CNBD1: variants seen among roughly 807,000 people sequenced by gnomAD.
CNBD1 encodes cyclic nucleotide-binding domain-containing protein 1.
CNBD1 carries 71 observed loss-of-function variants against 54.4 expected under a neutral mutation model. That is an observed-to-expected ratio of 1.30 (90% CI 1.08 to 1.59). The LOEUF (loss-of-function observed/expected upper bound fraction) is 1.59, where lower values mean the gene tolerates loss of function less well. Among genes scored for constraint, CNBD1 ranks in the 40% most tolerant of loss-of-function variants. CNBD1 has a pLI of 0.00. For synonymous variants in CNBD1, 182 were observed against 170.7 expected, an observed-to-expected ratio of 1.07 and a Z score of -0.51; for missense variants, 659 against 518.0, an observed-to-expected ratio of 1.27 and a Z score of -2.64.
At chr8:87,358,665 T>G (rs1259567739) in intron 10 of CNBD1, among the ~76,000 whole-genome samples, 1 of 152,184 alleles carries the variant, frequency 6.6e-6, no homozygotes, top group South Asian at 2.1e-4. Flanking sequence ...TCCCATGATA[T>G]GCTTTCAGCA....
At chr8:87,360,039 G>A (rs1372408836) in intron 10 of CNBD1, among the ~76,000 whole-genome samples, 1 of 151,890 alleles carries the variant, frequency 6.6e-6, no homozygotes, top group Non-Finnish European at 1.5e-5. Context: ...CTTTCTCCAG[G>A]TATATGGGTT....
chr8:87,373,707 G>C (rs752627288), intron 10 of CNBD1, among the ~76,000 whole-genome samples: 1 of 151,692 alleles, frequency 6.6e-6, no homozygotes, highest in Non-Finnish European at 1.5e-5. Flanking sequence ...AGCCTAACTG[G>C]TTTAGCAAAC....
At chr8:87,385,335 G>C (rs1007788164), downstream of CNBD1, among the ~76,000 whole-genome samples, 3 of 151,840 alleles carry the variant, frequency 2.0e-5, no homozygotes, top group African/African-American at 4.9e-5. Flanking sequence ...GCCTCACCCG[G>C]GAAGGGCAGA....
intron 10 of CNBD1, among the ~76,000 whole-genome samples, chr8:87,359,176 A>T (rs1450219704): frequency 6.6e-6 from 1 of 152,140 alleles, no homozygotes; most frequent in Non-Finnish European, 1.5e-5. Flanking sequence ...TAACATTCAA[A>T]TACTTGGCAT....
intron 4 of CNBD1, among the ~76,000 whole-genome samples, chr8:87,089,278 C>G (rs1811160309): frequency 6.6e-6 from 1 of 151,984 alleles, no homozygotes. Flanking sequence ...AGCTTGAGAG[C>G]TCATAGTCAT....
chr8:87,296,402 A>G (rs1367712610), intron 8 of CNBD1, among the ~76,000 whole-genome samples: 1 of 152,118 alleles, frequency 6.6e-6, no homozygotes, highest in African/African-American at 2.4e-5. Context: ...GGAGGGAGAA[A>G]GGGGGAAGAA....
chr8:87,355,395 A>G (rs75175157), intron 10 of CNBD1, among the ~76,000 whole-genome samples: 3,672 of 152,184 alleles, frequency 0.024, 151 homozygotes, highest in African/African-American at 0.081. Context: ...CATCCTCAAT[A>G]TTTAATTAAG....
chr8:87,136,574 A>C (rs1441195806), intron 4 of CNBD1, among the ~76,000 whole-genome samples: 12 of 90,994 alleles, frequency 1.3e-4, no homozygotes, highest in Non-Finnish European at 2.0e-4. Context: ...TATTATATTT[A>C]TATTATATAT....
At chr8:86,966,161 C>T (rs943976269) in intron 4 of CNBD1, among the ~76,000 whole-genome samples, 7 of 152,200 alleles carry the variant, frequency 4.6e-5, no homozygotes, top group African/African-American at 1.7e-4. Flanking sequence ...GGCCCCCAGC[C>T]TTCGGGACCT....
At chr8:87,153,082 C>T (rs1812640056) in intron 4 of CNBD1, among the ~76,000 whole-genome samples, 2 of 152,270 alleles carry the variant, frequency 1.3e-5, no homozygotes, top group East Asian at 1.9e-4. Flanking sequence ...TGGCTGTATG[C>T]TCGCATATGT....
At chr8:86,900,282 C>A (rs1056584175) in intron 2 of CNBD1, among the ~76,000 whole-genome samples, 1 of 151,798 alleles carries the variant, frequency 6.6e-6, no homozygotes, top group Non-Finnish European at 1.5e-5. Flanking sequence ...CAGATATTTC[C>A]TTTTTAATAG....
rs1395602892 is a variant in CNBD1, at chr8:86,941,019, C to T, written c.431+1265C>T. 2.6e-5 allele frequency among the ~76,000 whole-genome samples: 4 copies of T among 152,126 alleles called. No individual in the cohort carries two copies. The South Asian group carries it at 6.2e-4, about 24-fold the overall frequency. ...TATGATGTTTACAGAATGACAAAATCGCATGATGACAGATTTCTCAGAATG... is the reference window on the plus strand; with the variant it reads ...TATGATGTTTACAGAATGACAAAATTGCATGATGACAGATTTCTCAGAATG... On this transcript the variant is annotated intron_variant, in intron 4 of 10. Transcript: ENST00000518476.
chr8:87,372,875 C>T (rs112756832), intron 10 of CNBD1, among the ~76,000 whole-genome samples: 2,268 of 151,754 alleles, frequency 0.015, 54 homozygotes, highest in African/African-American at 0.049. Flanking sequence ...TTTTTGTGGG[C>T]TCCCAGGAAG....
intron 6 of CNBD1, among the ~76,000 whole-genome samples, chr8:87,279,991 A>C (rs1004267969): frequency 2.8e-4 from 43 of 151,474 alleles, no homozygotes; most frequent in African/African-American, 1.0e-3. Flanking sequence ...TCTATAATTG[A>C]AAAGGTGATC....
At chr8:86,924,373 G>C (rs1809324382) in intron 3 of CNBD1, among the ~76,000 whole-genome samples, 1 of 152,140 alleles carries the variant, frequency 6.6e-6, no homozygotes, top group Non-Finnish European at 1.5e-5. Flanking sequence ...GGTTGAAAAA[G>C]GAGCTAGATG....
chr8:87,227,067 GC>G (rs1291434777), intron 5 of CNBD1, among the ~76,000 whole-genome samples: 1 of 151,406 alleles, frequency 6.6e-6, no homozygotes, highest in Non-Finnish European at 1.5e-5. Context: ...TGCAACCCCT[GC>G]CTTTTTTTGT....
At chr8:87,327,820 C>G (rs949563907) in intron 8 of CNBD1, among the ~76,000 whole-genome samples, 1 of 152,128 alleles carries the variant, frequency 6.6e-6, no homozygotes, top group African/African-American at 2.4e-5. Flanking sequence ...GCCATCTTGG[C>G]TCCTCCCCCT....
intron 6 of CNBD1, among the ~76,000 whole-genome samples, chr8:87,276,833 A>C (rs892675417): frequency 1.5e-5 from 2 of 136,748 alleles, no homozygotes; most frequent in Non-Finnish European, 3.2e-5. Flanking sequence ...AGGATAAATA[A>C]ATGAGCAGAA....
At chr8:87,354,056 T>G (rs772057201) in intron 10 of CNBD1, among the ~76,000 whole-genome samples, 1 of 152,088 alleles carries the variant, frequency 6.6e-6, no homozygotes, top group Non-Finnish European at 1.5e-5. Flanking sequence ...ATGCAGGGGC[T>G]GCCTGAGGCT....
Sources: allele counts gnomAD v4.1 joint callset (sites outside exome capture counted in the v4.1 genomes callset), GRCh38; gene constraint gnomAD v4.1.1; transcripts MANE v1.5; gene names NCBI Gene and HGNC (gene_info 2026-07-23, HGNC 2026-07-21).